The following E2F6 variants were observed in gnomAD, a reference collection of about 807,000 sequenced individuals.
The protein encoded by E2F6 is transcription factor E2F6.
In E2F6, 19 loss-of-function variants were observed where a neutral mutation model predicts 31.5. The ratio of observed to expected loss-of-function variants is 0.60; its 90% CI spans 0.42 to 0.89. The LOEUF is 0.89. Among genes scored for constraint, E2F6 ranks in the 40% least tolerant of loss-of-function variants. E2F6 has a pLI of 0.00. For synonymous variants in E2F6, 121 were observed against 127.7 expected, an observed-to-expected ratio of 0.95 and a Z score of 0.36; for missense variants, 269 against 341.6, an observed-to-expected ratio of 0.79 and a Z score of 1.67.
intron 5 of E2F6, among the ~76,000 whole-genome samples, chr2:11,448,726 A>G (rs538493444): frequency 6.6e-6 from 1 of 152,338 alleles, no homozygotes; most frequent in South Asian, 2.1e-4. Flanking sequence ...GTGTTGTCAA[A>G]CTTCCATAAA....
chr2:11,456,129 T>C (rs187654272), intron 2 of E2F6, among the ~76,000 whole-genome samples: 3 of 152,214 alleles, frequency 2.0e-5, no homozygotes, highest in Non-Finnish European at 4.4e-5. Flanking sequence ...GTCTGCTCTG[T>C]CTACCCATTC....
Position 11,447,677 on chromosome 2 carries a change from C to T in E2F6, c.749G>A (p.Gly250Asp). 6.2e-7 allele frequency: 1 copy of T among 1,612,068 alleles called. No individual in the cohort carries two copies. The highest frequency in any genetic ancestry group is 1.3e-5 in the African/African-American group (1 of 74,946). ...QGQTSNKRSE[G>D]VGTSSSESTH... ...GCTCTCAGATGAAGAGGTCCCGACA[C>T]CTTCAGACCTTTTGTTACTGGTCTG... is the stretch of plus-strand genomic sequence containing the variant. Residue 250 changes from glycine to aspartate, a missense_variant, in exon 6 of 7, where the codon GGT (glycine) becomes GAT (aspartate). Gly to Asp is a moderately conservative substitution (Grantham distance 94). Coordinates refer to ENST00000381525, the MANE Select transcript of E2F6 (RefSeq NM_198256.4).
At chr2:11,453,530 G>A in intron 3 of E2F6, 52 bp downstream of exon 3, 1 of 1,524,784 alleles carries the variant, frequency 6.6e-7, no homozygotes, top group Non-Finnish European at 9.1e-7. Flanking sequence ...GCATGGAATT[G>A]TCACTTGATG....
At chr2:11,462,101 A>G (rs1671817178) in intron 1 of E2F6, among the ~76,000 whole-genome samples, 1 of 152,152 alleles carries the variant, frequency 6.6e-6, no homozygotes, top group Non-Finnish European at 1.5e-5. Context: ...AAAAACCCCA[A>G]TTAAGGAAAC....
chr2:11,447,907 T>G, intron 5 of E2F6, 133 bp from the exon 6 acceptor site: 626 of 827,142 alleles, frequency 7.6e-4, no homozygotes, highest in Middle Eastern at 1.6e-3. Context: ...CACTGGCCAA[T>G]TCCCATGCTG....
rs1305874096 is a variant in E2F6 at position 11,445,334 on chromosome 2, G to A, written c.*1143C>T. On this transcript the variant is annotated 3_prime_UTR_variant, in exon 7 of 7. Transcript: ENST00000381525. ...TTTATTGAGCACTTCTTAAGGGCCAGGCATGGTGTGAGGCACTGGGATGTA... is the reference window on the plus strand; with the variant it reads ...TTTATTGAGCACTTCTTAAGGGCCAAGCATGGTGTGAGGCACTGGGATGTA... 2 of 152,742 alleles carry A rather than the reference G, an allele frequency of 1.3e-5. No individual in the cohort carries two copies. Among genetic ancestry groups the A allele is most frequent in the East Asian group, 3.9e-4 (2 of 5,184 alleles). The allele number at this position is 152,742 out of a possible 1,614,324, so 9.5% of individuals were successfully genotyped here. A position where few individuals can be genotyped will look rare whatever the true frequency, so the allele number is the denominator to read the frequency against.
At chr2:11,455,503 A>C (rs1671349184) in intron 2 of E2F6, 1 of 1,280,772 alleles carries the variant, frequency 7.8e-7, no homozygotes, top group East Asian at 5.6e-5. Flanking sequence ...TAAATTAGGA[A>C]TTTAAAAGGA....
chr2:11,455,509 A>G, intron 2 of E2F6: 1 of 1,274,658 alleles, frequency 7.8e-7, no homozygotes, highest in Non-Finnish European at 1.0e-6. Flanking sequence ...AGGAATTTAA[A>G]AGGATTTTTA....
chr2:11,462,365 G>A (rs1296103400), intron 1 of E2F6, among the ~76,000 whole-genome samples: 2 of 151,998 alleles, frequency 1.3e-5, no homozygotes, highest in African/African-American at 2.4e-5. Context: ...TTTATAGATC[G>A]GGCATAGTAA....
chr2:11,448,640 G>C (rs373200056), intron 5 of E2F6, among the ~76,000 whole-genome samples: 3 of 152,250 alleles, frequency 2.0e-5, no homozygotes, highest in East Asian at 3.9e-4. Flanking sequence ...TAGAGTGCCA[G>C]GTCACAACTG....
At chr2:11,458,076 G>C (rs1301447210) in intron 1 of E2F6, among the ~76,000 whole-genome samples, 1 of 152,116 alleles carries the variant, frequency 6.6e-6, no homozygotes, top group African/African-American at 2.4e-5. Context: ...TAAATAAAAT[G>C]AAACCAAACC....
chr2:11,453,291 C>A (rs1430268014), intron 3 of E2F6, among the ~76,000 whole-genome samples: 1 of 152,156 alleles, frequency 6.6e-6, no homozygotes, highest in African/African-American at 2.4e-5. Flanking sequence ...AATTACAACT[C>A]CAGAGGCAGT....
rs1026417488 is a variant in E2F6 at position 11,465,645 on chromosome 2, T to C, written c.108+127A>G. 11 of 896,642 alleles carry C rather than the reference T, an allele frequency of 1.2e-5. No homozygotes were observed. The African/African-American group carries it at 1.7e-4, about 14-fold the overall frequency. 55.5% of individuals were successfully genotyped at this position (896,642 alleles called of 1,614,324 possible). ...GGAGAGCGCAGTTCGCAGCACGTGA[T>C]GGGCAGCGCCTGGCCCAGGGGGAGC... is the stretch of plus-strand genomic sequence containing the variant. On this transcript the variant is annotated intron_variant, in intron 1 of 6. Coordinates refer to ENST00000381525, the MANE Select transcript of E2F6 (RefSeq NM_198256.4).
At chr2:11,458,435 T>C (rs1287171213) in intron 1 of E2F6, 12 of 1,445,556 alleles carry the variant, frequency 8.3e-6, no homozygotes, top group Middle Eastern at 1.7e-4. Flanking sequence ...GGCATGTTTC[T>C]GGGAACCCAC....
At chr2:11,453,848 A>G in intron 2 of E2F6, 50 bp from the exon 3 acceptor site, 1 of 1,490,056 alleles carries the variant, frequency 6.7e-7, no homozygotes, top group South Asian at 1.2e-5. Context: ...ACATTTCTCA[A>G]CTCATTTTTA....
chr2:11,462,496 G>T (rs528549387), intron 1 of E2F6, among the ~76,000 whole-genome samples: 164 of 152,242 alleles, frequency 1.1e-3, no homozygotes, highest in African/African-American at 3.7e-3. Flanking sequence ...CTCAGAATAA[G>T]ATTTTTTTTC....
At chr2:11,455,936 G>C (rs147740107) in intron 2 of E2F6, among the ~76,000 whole-genome samples, 1,548 of 152,310 alleles carry the variant, frequency 0.01, 5 homozygotes, top group Middle Eastern at 0.031. Context: ...TTTGCCCACT[G>C]TGACAGAGGG....
intron 5 of E2F6, among the ~76,000 whole-genome samples, chr2:11,449,117 T>G (rs538784370): frequency 6.6e-6 from 1 of 152,228 alleles, no homozygotes; most frequent in African/African-American, 2.4e-5. Flanking sequence ...CAGAATGAAT[T>G]ATTATGCCCC....
chr2:11,452,872 T>C (rs889322525), intron 3 of E2F6, among the ~76,000 whole-genome samples: 9 of 152,224 alleles, frequency 5.9e-5, no homozygotes, highest in African/African-American at 1.9e-4. Flanking sequence ...TGTACTTCTG[T>C]ACTATTGAAA....
Sources: allele counts gnomAD v4.1 joint callset (sites outside exome capture counted in the v4.1 genomes callset), GRCh38; gene constraint gnomAD v4.1.1; transcripts MANE v1.5; gene names NCBI Gene and HGNC (gene_info 2026-07-23, HGNC 2026-07-21).